Variants in CHIC2 observed in about 807,000 individuals in gnomAD.
The protein encoded by CHIC2 is cysteine-rich hydrophobic domain-containing protein 2.
Under a neutral mutation model 25.9 loss-of-function variants are expected in CHIC2, and 14 were observed. The observed-to-expected ratio is 0.54, with a 90% confidence interval of 0.36 to 0.85. The LOEUF is 0.85. CHIC2 is among the 40% of genes least tolerant of loss of function. CHIC2 has a pLI of 0.01. For missense variants in CHIC2, 146 were observed against 202.0 expected (o/e 0.72, Z 1.68); for synonymous variants, 70 against 72.0 (o/e 0.97, Z 0.14).
At chr4:54,080,308 A>G in the CHIC2 span, among the ~76,000 whole-genome samples, 1 of 152,040 alleles carries the variant, frequency 6.6e-6, no homozygotes, top group African/African-American at 2.4e-5. Context: ...CAAATGCTAT[A>G]TAATCTCACT....
At position 54,046,726 on chromosome 4, in the gene CHIC2, G is replaced by A. The variant is rs1439187227; in HGVS notation, c.330+2229C>T. Among the ~76,000 whole-genome samples the A allele has an allele frequency of 2.6e-5, 4 of 152,260 alleles. No homozygotes were observed. In the East Asian group the frequency reaches 7.7e-4, roughly 29 times the overall value. ...AGAAAACCTAGGCATTACCATTCAG[G>A]ACATAGGCATGGGCAAGGACTTCAT... On this transcript the variant is annotated intron_variant, in intron 3 of 5. Transcript: ENST00000263921.
chr4:54,082,207 A>T, the CHIC2 span, among the ~76,000 whole-genome samples: 2 of 152,228 alleles, frequency 1.3e-5, no homozygotes, highest in Non-Finnish European at 2.9e-5. Context: ...AAAAATGAGC[A>T]ATCTTCTCTC....
chr4:54,052,239 A>G (rs144058402), intron 1 of CHIC2, among the ~76,000 whole-genome samples: 2 of 152,310 alleles, frequency 1.3e-5, no homozygotes, highest in African/African-American at 4.8e-5. Context: ...GTTTGATAAT[A>G]TAACTGTAAA....
chr4:54,046,979 G>C (rs964205812), intron 3 of CHIC2, among the ~76,000 whole-genome samples: 1 of 152,156 alleles, frequency 6.6e-6, no homozygotes, highest in African/African-American at 2.4e-5. Context: ...CCATCAAAAA[G>C]TGGGCAAAGG....
At chr4:54,059,814 T>A (rs1201489274) in intron 1 of CHIC2, 1 of 152,170 alleles carries the variant, frequency 6.6e-6, no homozygotes, top group East Asian at 1.9e-4. Flanking sequence ...ATAGGAACTA[T>A]AATATTCTGG....
chr4:54,014,982 A>T (rs1363159714), intron 3 of CHIC2, among the ~76,000 whole-genome samples: 2 of 152,182 alleles, frequency 1.3e-5, no homozygotes, highest in Non-Finnish European at 2.9e-5. Flanking sequence ...AATGTGGTAT[A>T]AAGAAGTACT....
chr4:54,022,488 A>G lies in CHIC2; in HGVS notation c.331-8369T>C, dbSNP rs187658724. ...CTTCTAAACCTCTTAAAACTCCCCAACTCTGATGCCAGCTTGGACAACATT... is the reference window on the plus strand; with the variant it reads ...CTTCTAAACCTCTTAAAACTCCCCAGCTCTGATGCCAGCTTGGACAACATT... On this transcript the variant is annotated intron_variant, in intron 3 of 5. Coordinates refer to ENST00000263921, the MANE Select transcript of CHIC2 (RefSeq NM_012110.4). Among the ~76,000 whole-genome samples the G allele has an allele frequency of 3.0e-3, 462 of 151,664 alleles. 3 individuals carry two copies. Among genetic ancestry groups the G allele is most frequent in the Middle Eastern group, 0.014 (4 of 292 alleles).
chr4:54,051,904 C>A (rs891591099), intron 1 of CHIC2, among the ~76,000 whole-genome samples: 1 of 152,050 alleles, frequency 6.6e-6, no homozygotes, highest in Non-Finnish European at 1.5e-5. Context: ...TTTACGTTAC[C>A]TCCCATTCAT....
intron 3 of CHIC2, among the ~76,000 whole-genome samples, chr4:54,016,819 T>C (rs1339994978): frequency 6.6e-6 from 1 of 151,094 alleles, no homozygotes; most frequent in African/African-American, 2.4e-5. Flanking sequence ...AGGTGACAAG[T>C]ATATAGATTC....
chr4:54,067,925 C>G (rs575547012), upstream of CHIC2, among the ~76,000 whole-genome samples: 13 of 151,044 alleles, frequency 8.6e-5, no homozygotes, highest in Admixed American at 6.6e-4. Context: ...TTTGTCCCCC[C>G]CCCCAAATTC....
chr4:54,049,513 T>C (rs1019545463), intron 1 of CHIC2, among the ~76,000 whole-genome samples: 4 of 152,304 alleles, frequency 2.6e-5, no homozygotes, highest in Middle Eastern at 3.4e-3. Context: ...AACTTTTGCA[T>C]AATGATAAGG....
chr4:54,020,130 G>A (rs909323896), intron 3 of CHIC2, among the ~76,000 whole-genome samples: 14 of 152,142 alleles, frequency 9.2e-5, no homozygotes, highest in Non-Finnish European at 1.2e-4. Flanking sequence ...TGACCTGCAC[G>A]TATACATCCA....
intron 3 of CHIC2, among the ~76,000 whole-genome samples, chr4:54,038,961 C>A (rs946165587): frequency 2.1e-5 from 3 of 140,072 alleles, no homozygotes; most frequent in Middle Eastern, 3.5e-3. Flanking sequence ...TGGAAAGAGA[C>A]CTACACAGGT....
At position 54,064,602 on chromosome 4, in the gene CHIC2, A is replaced by G. The variant is rs1717457003; in HGVS notation, c.-302T>C. 1 of 1,200,482 alleles carries G rather than the reference A, an allele frequency of 8.3e-7. No individual in the cohort carries two copies. Among genetic ancestry groups the G allele is most frequent in the East Asian group, 4.4e-5 (1 of 22,822 alleles). 74.4% of individuals were successfully genotyped at this position (1,200,482 alleles called of 1,614,324 possible). A position where few individuals can be genotyped will look rare whatever the true frequency, so the allele number is the denominator to read the frequency against. ...CCGCCGCAGCAGCAGCAACTCAGGA[A>G]ACCACAGCAACAGCCCGAGCCACCC... On this transcript the variant is annotated 5_prime_UTR_variant, in exon 1 of 6. Coordinates refer to ENST00000263921, the MANE Select transcript of CHIC2 (RefSeq NM_012110.4). The surrounding 1 kb of genome is among the most constrained non-coding windows in gnomAD (Gnocchi z 4.2).
At chr4:54,044,999 C>T (rs1221733153) in intron 3 of CHIC2, among the ~76,000 whole-genome samples, 1 of 152,150 alleles carries the variant, frequency 6.6e-6, no homozygotes, top group Admixed American at 6.5e-5. Flanking sequence ...TACAAACTAC[C>T]ATCAGAGAAT....
In CHIC2 at chr4:54,064,080, G is replaced by A. The variant is rs902100998; in HGVS notation, c.119+102C>T. 21 of 976,952 alleles carry A rather than the reference G, an allele frequency of 2.1e-5. No individual in the cohort carries two copies. The African/African-American group carries it at 2.8e-4, about 13-fold the overall frequency. The allele number at this position is 976,952 out of a possible 1,614,324, so 60.5% of individuals were successfully genotyped here. ...TTCCTGGTTGCCTACTCTTTCGGAA[G>A]GCCCCCGACACCAGACGGACACAGG... On this transcript the variant is annotated intron_variant, in intron 1 of 5. Coordinates refer to ENST00000263921, the MANE Select transcript of CHIC2 (RefSeq NM_012110.4). The surrounding 1 kb of genome is among the most constrained non-coding windows in gnomAD (Gnocchi z 4.2).
At chr4:54,054,332 G>A (rs1303536113) in intron 1 of CHIC2, among the ~76,000 whole-genome samples, 2 of 151,960 alleles carry the variant, frequency 1.3e-5, no homozygotes, top group African/African-American at 2.4e-5. Flanking sequence ...ATGTCTCTTG[G>A]CATTCACTAC....
intron 5 of CHIC2, among the ~76,000 whole-genome samples, chr4:54,012,210 C>T (rs1481860812): frequency 6.6e-6 from 1 of 151,868 alleles, no homozygotes; most frequent in African/African-American, 2.4e-5. Flanking sequence ...CCTCAGCCTC[C>T]CCAGCTAGAC....
chr4:54,036,016 T>C (rs1716372421), intron 3 of CHIC2, among the ~76,000 whole-genome samples: 1 of 152,258 alleles, frequency 6.6e-6, no homozygotes, highest in African/African-American at 2.4e-5. Context: ...TAGCGATTTT[T>C]CATTTACTGA....
Sources: gnomAD v4.1 joint callset for allele counts (sites outside exome capture counted in the v4.1 genomes callset) on GRCh38, gnomAD v4.1.1 for gene constraint, Gnocchi (gnomAD v3.1) non-coding constraint, MANE v1.5 for transcripts, NCBI Gene and HGNC (gene_info 2026-07-23, HGNC 2026-07-21) for gene names.